LARGE1: variants seen among roughly 807,000 people sequenced by gnomAD.
The protein encoded by LARGE1 is xylosyl- and glucuronyltransferase LARGE1.
LARGE1 carries 43 observed loss-of-function variants against 87.6 expected under a neutral mutation model. The observed-to-expected ratio is 0.49, with a 90% CI of 0.38 to 0.63. The LOEUF (loss-of-function observed/expected upper bound fraction) is 0.63. Among genes scored for constraint, LARGE1 ranks in the 30% least tolerant of loss-of-function variants. The pLI is 0.00. For missense variants in LARGE1, 802 were observed against 1,000.2 expected, an observed-to-expected ratio of 0.80 and a Z score of 2.67; for synonymous variants, 434 against 394.6, an observed-to-expected ratio of 1.10 and a Z score of -1.18.
chr22:33,285,523 C>T (rs938076026), intron 12 of LARGE1, among the ~76,000 whole-genome samples: 5 of 152,142 alleles, frequency 3.3e-5, no homozygotes, highest in Non-Finnish European at 5.9e-5. Flanking sequence ...ATTCAGGAGG[C>T]TGAGGCAGGA....
intron 1 of LARGE1, among the ~76,000 whole-genome samples, chr22:33,886,897 A>G (rs79531523): frequency 0.01 from 1,527 of 152,240 alleles, 36 homozygotes; most frequent in African/African-American, 0.033. Flanking sequence ...CCAGCAGGGA[A>G]GAAACAAATA....
intron 7 of LARGE1, among the ~76,000 whole-genome samples, chr22:33,407,480 T>C (rs762625064): frequency 2.6e-5 from 4 of 152,248 alleles, no homozygotes; most frequent in Non-Finnish European, 5.9e-5. Context: ...CAGGTAATTC[T>C]ATCTTTCTTT....
intron 1 of LARGE1, among the ~76,000 whole-genome samples, chr22:33,843,942 G>A (rs1210682555): frequency 1.3e-5 from 2 of 151,958 alleles, no homozygotes; most frequent in Non-Finnish European, 1.5e-5. Context: ...AGCTGGGCAT[G>A]GTGGTGGGAA....
At chr22:33,109,917 A>T in the LARGE1 span, among the ~76,000 whole-genome samples, 9 of 152,328 alleles carry the variant, frequency 5.9e-5, no homozygotes, top group East Asian at 1.7e-3. Context: ...CCAGAAGCAG[A>T]TGCCAGCAGC....
intron 10 of LARGE1, among the ~76,000 whole-genome samples, chr22:33,320,461 C>T (rs77529145): frequency 1.3e-5 from 2 of 152,166 alleles, no homozygotes; most frequent in Non-Finnish European, 2.9e-5. Context: ...GCACTCAGTT[C>T]GTAACTCCAT....
chr22:33,522,231 T>C (rs952978153), intron 6 of LARGE1, among the ~76,000 whole-genome samples: 1 of 152,202 alleles, frequency 6.6e-6, no homozygotes, highest in Non-Finnish European at 1.5e-5. Flanking sequence ...CAGCTGTAAC[T>C]GTATTACTGA....
At chr22:33,540,061 G>A (rs965574353) in intron 6 of LARGE1, among the ~76,000 whole-genome samples, 2 of 152,090 alleles carry the variant, frequency 1.3e-5, no homozygotes, top group Non-Finnish European at 2.9e-5. Flanking sequence ...TTACCCTGTG[G>A]AGGCCTGCAA....
intron 6 of LARGE1, among the ~76,000 whole-genome samples, chr22:33,441,198 C>T (rs1006388945): frequency 6.6e-6 from 1 of 150,902 alleles, no homozygotes; most frequent in Non-Finnish European, 1.5e-5. Flanking sequence ...CTCAGCCTCC[C>T]GAGTAGCTGG....
intron 5 of LARGE1, among the ~76,000 whole-genome samples, chr22:33,583,148 G>C (rs145693217): frequency 1.3e-5 from 2 of 152,194 alleles, no homozygotes; most frequent in Non-Finnish European, 2.9e-5. Flanking sequence ...GCACCCACCA[G>C]CTTGTTCCAG....
intron 7 of LARGE1, among the ~76,000 whole-genome samples, chr22:33,416,057 C>A (rs1476475062): frequency 2.0e-5 from 3 of 151,830 alleles, no homozygotes; most frequent in Non-Finnish European, 4.4e-5. Flanking sequence ...CCCATTCATG[C>A]CATTTTTTCT....
chr22:33,799,050 A>G (rs879307134), intron 1 of LARGE1, among the ~76,000 whole-genome samples: 1 of 152,032 alleles, frequency 6.6e-6, no homozygotes, highest in Admixed American at 6.6e-5. Flanking sequence ...AATTTGGACA[A>G]TTTTATCTAG....
At chr22:33,884,207 C>G (rs1355038091) in intron 1 of LARGE1, among the ~76,000 whole-genome samples, 1 of 152,362 alleles carries the variant, frequency 6.6e-6, no homozygotes. Flanking sequence ...CGGTTGGCCT[C>G]GGTCAATGCC....
intron 7 of LARGE1, among the ~76,000 whole-genome samples, chr22:33,428,234 T>C: frequency 6.6e-6 from 1 of 151,984 alleles, no homozygotes; most frequent in Non-Finnish European, 1.5e-5. Flanking sequence ...TACTAAGTAC[T>C]TACTTTGTGC....
chr22:33,638,681 A>G (rs1417589354), intron 3 of LARGE1, among the ~76,000 whole-genome samples: 3 of 152,252 alleles, frequency 2.0e-5, no homozygotes, highest in Non-Finnish European at 4.4e-5. Flanking sequence ...TGAAATAATT[A>G]TAAAACCTTT....
intron 2 of LARGE1, among the ~76,000 whole-genome samples, chr22:33,731,487 T>C (rs2083467301): frequency 6.6e-6 from 1 of 152,192 alleles, no homozygotes; most frequent in African/African-American, 2.4e-5. Flanking sequence ...AGGAAAAAGA[T>C]GCCATACTCA....
intron 6 of LARGE1, among the ~76,000 whole-genome samples, chr22:33,496,462 T>C (rs544718105): frequency 2.9e-4 from 44 of 152,224 alleles, no homozygotes; most frequent in Non-Finnish European, 5.0e-4. Context: ...CTGCCTCTTC[T>C]ACCAAGTAAG....
At chr22:33,794,227 C>T (rs935970178) in intron 1 of LARGE1, among the ~76,000 whole-genome samples, 1 of 152,136 alleles carries the variant, frequency 6.6e-6, no homozygotes, top group Non-Finnish European at 1.5e-5. Flanking sequence ...GGAGACTGTG[C>T]AGCCGTCTTT....
chr22:33,678,988 G>T (rs899523985), intron 2 of LARGE1, among the ~76,000 whole-genome samples: 2 of 152,212 alleles, frequency 1.3e-5, no homozygotes, highest in East Asian at 3.8e-4. Flanking sequence ...ATAAAAAATA[G>T]ATAGCAAGCC....
rs962643282 is a variant in LARGE1 at position 33,533,951 on chromosome 22, AT to A, written c.787+30896del. Among the ~76,000 whole-genome samples the A allele has an allele frequency of 1.8e-3, 207 of 115,708 alleles. 1 individual carries two copies. The highest frequency in any genetic ancestry group is 6.6e-4 in the Non-Finnish European group (35 of 53,248). The allele number at this position is 115,708 out of a possible 152,430, so 75.9% of individuals were successfully genotyped here. A position where few individuals can be genotyped will look rare whatever the true frequency, so the allele number is the denominator to read the frequency against. The stretch of plus-strand genomic sequence containing the variant: ...TTGACTGTTTCCTATCCATTTCTTT[AT>A]TTTTTTTTTCATTTTGTCAAAACTA... On this transcript the variant is annotated intron_variant, in intron 6 of 14. Transcript: ENST00000397394.
Sources: gnomAD v4.1 joint callset for allele counts (sites outside exome capture counted in the v4.1 genomes callset) on GRCh38, gnomAD v4.1.1 for gene constraint, MANE v1.5 for transcripts, NCBI Gene and HGNC (gene_info 2026-07-23, HGNC 2026-07-21) for gene names.